Variants in EMC3 observed in about 807,000 individuals in gnomAD.
EMC3 encodes the protein ER membrane protein complex subunit 3.
A neutral mutation model predicts 36.6 loss-of-function variants in EMC3; 13 were observed. The observed-to-expected ratio is 0.35, with a 90% confidence interval of 0.23 to 0.56. EMC3 has a LOEUF of 0.56. Ranked by LOEUF, EMC3 falls within the 20% of genes least tolerant of loss-of-function variation. The pLI is 0.84. For missense variants in EMC3, 220 were observed against 324.5 expected, an observed-to-expected ratio of 0.68 and a Z score of 2.47; for synonymous variants, 120 against 111.9, an observed-to-expected ratio of 1.07 and a Z score of -0.46.
intron 7 of EMC3, among the ~76,000 whole-genome samples, chr3:9,964,863 T>C (rs2085721204): frequency 6.6e-6 from 1 of 152,182 alleles, no homozygotes; most frequent in African/African-American, 2.4e-5. Flanking sequence ...AGAAATAAAT[T>C]TGCAGAATTT....
chr3:9,969,687 T>C (rs774315420), intron 7 of EMC3, 32 bp downstream of exon 7: 93 of 1,614,000 alleles, frequency 5.8e-5, no homozygotes, highest in Non-Finnish European at 7.5e-5. Context: ...TTTCAGAGCA[T>C]TGCTGCAGCT....
chr3:9,966,219 G>A (rs2085734988), intron 7 of EMC3, among the ~76,000 whole-genome samples: 1 of 150,860 alleles, frequency 6.6e-6, no homozygotes, highest in African/African-American at 2.4e-5. Context: ...GCATGAAGTG[G>A]TATCTGTTTT....
At chr3:9,991,067 A>C (rs2086045742), upstream of EMC3, among the ~76,000 whole-genome samples, 1 of 151,850 alleles carries the variant, frequency 6.6e-6, no homozygotes, top group Non-Finnish European at 1.5e-5. Flanking sequence ...TGACCTCGTG[A>C]TCTGCCCGCC....
At chr3:10,000,190 C>G (rs2086180777) in intron 1 of EMC3, among the ~76,000 whole-genome samples, 1 of 152,052 alleles carries the variant, frequency 6.6e-6, no homozygotes, top group African/African-American at 2.4e-5. Context: ...AGGTGCCCAC[C>G]ACCACGCCTG....
intron 1 of EMC3, among the ~76,000 whole-genome samples, chr3:9,998,319 T>C (rs1225633693): frequency 1.3e-5 from 2 of 150,338 alleles, no homozygotes; most frequent in East Asian, 3.9e-4. Flanking sequence ...TGAGCCGAGA[T>C]TGCGCCACTG....
intron 1 of EMC3, chr3:9,994,293 G>GAA: frequency 1.1e-6 from 1 of 947,706 alleles, no homozygotes; most frequent in Non-Finnish European, 1.7e-6. Flanking sequence ...CAAATAATGT[G>GAA]TTTATGTTTT....
chr3:9,972,557 G>C (rs1335028766), intron 5 of EMC3, among the ~76,000 whole-genome samples: 3 of 151,278 alleles, frequency 2.0e-5, no homozygotes, highest in Non-Finnish European at 4.4e-5. Flanking sequence ...GATAACTTGA[G>C]GTCAGTAGTT....
chr3:10,007,550 C>T (rs759585929), intron 1 of EMC3: 36 of 1,367,400 alleles, frequency 2.6e-5, no homozygotes, highest in East Asian at 1.8e-4. Context: ...AGAGGCCTGA[C>T]GTAGGAGTGC....
At chr3:9,990,325 C>CTCTCTTT (rs756491768), upstream of EMC3, among the ~76,000 whole-genome samples, 10 of 88,706 alleles carry the variant, frequency 1.1e-4, no homozygotes, top group African/African-American at 5.8e-4. Context: ...GGGCCTTTCT[C>CTCTCTTT]TTTTTTTTTT....
At chr3:10,000,738 ATTC>A (rs1157569366) in intron 1 of EMC3, 2 of 473,932 alleles carry the variant, frequency 4.2e-6, no homozygotes, top group African/African-American at 4.0e-5. Context: ...TACCCTTGGG[ATTC>A]TCCAAATACT....
Position 9,980,978 on chromosome 3 carries a change from T to TGAGCCCTG in EMC3, c.156-3540_156-3533dup, listed in dbSNP as rs1015681445. Among the ~76,000 whole-genome samples the TGAGCCCTG allele has an allele frequency of 4.6e-5, 7 of 152,136 alleles. No individual in the cohort carries two copies. The South Asian group carries it at 6.2e-4, about 14-fold the overall frequency. On this transcript the variant is annotated intron_variant, in intron 1 of 7. Coordinates refer to ENST00000245046, the MANE Select transcript of EMC3 (RefSeq NM_001394674.1). Reference sequence around the variant, plus strand: ...GGGAGGCTGAGGTGGGAGGATTGCTTGAGCCCTGGAGCCCTGGAGTTCAAG... The same window carrying TGAGCCCTG: ...GGGAGGCTGAGGTGGGAGGATTGCTTGAGCCCTGGAGCCCTGGAGCCCTGGAGTTCAAG...
chr3:9,989,524 T>G (rs573037964), upstream of EMC3, among the ~76,000 whole-genome samples: 2 of 152,276 alleles, frequency 1.3e-5, no homozygotes, highest in Non-Finnish European at 2.9e-5. Context: ...TGGTTGCCTT[T>G]AAAGATTTTT....
At chr3:9,970,927 CTT>C (rs35290702) in intron 5 of EMC3, among the ~76,000 whole-genome samples, 1 of 146,904 alleles carries the variant, frequency 6.8e-6, no homozygotes. Context: ...GTGTTCCATA[CTT>C]TTTTTTTTTT....
chr3:9,992,338 C>G (rs1172707967), intron 1 of EMC3, among the ~76,000 whole-genome samples: 3 of 152,042 alleles, frequency 2.0e-5, no homozygotes, highest in Non-Finnish European at 2.9e-5. Flanking sequence ...GTTGGCCAGG[C>G]TGGTCTCGAA....
chr3:10,005,259 A>AC (rs2086251180), intron 1 of EMC3: 1 of 151,802 alleles, frequency 6.6e-6, no homozygotes, highest in Admixed American at 6.6e-5. Context: ...AAAAAAAAAA[A>AC]ATCACACATC....
At chr3:9,992,955 C>T (rs1258669647) in intron 1 of EMC3, 65 of 1,610,042 alleles carry the variant, frequency 4.0e-5, no homozygotes, top group South Asian at 2.5e-4. Context: ...AAATAAGATT[C>T]GATCAGGCTG....
chr3:10,001,894 G>A (rs2086205359), intron 1 of EMC3, among the ~76,000 whole-genome samples: 2 of 152,090 alleles, frequency 1.3e-5, no homozygotes, highest in South Asian at 2.1e-4. Context: ...GGCTACTCAG[G>A]AGGCTGAGGC....
At position 9,977,069 on chromosome 3, in the gene EMC3, AGTGTTTTAAGTCT is replaced by A; in HGVS notation, c.214-32_214-20del. On this transcript the variant is annotated intron_variant, in intron 2 of 7. Coordinates refer to ENST00000245046, the MANE Select transcript of EMC3 (RefSeq NM_001394674.1). ...AGAAAGACTAGTAAAAAAAAAAAAA[AGTGTTTTAAGTCT>A]AAGAACTATGACACAGCAAACTGTT... 2 of 1,456,036 alleles carry A rather than the reference AGTGTTTTAAGTCT, an allele frequency of 1.4e-6. No individual in the cohort carries two copies. The highest frequency in any genetic ancestry group is 1.9e-6 in the Non-Finnish European group (2 of 1,053,422). 90.2% of individuals were successfully genotyped at this position (1,456,036 alleles called of 1,614,324 possible).
At chr3:9,979,217 C>A (rs1251906907) in intron 1 of EMC3, among the ~76,000 whole-genome samples, 2 of 152,186 alleles carry the variant, frequency 1.3e-5, no homozygotes, top group Non-Finnish European at 2.9e-5. Flanking sequence ...GAATGCTAGT[C>A]TGTGATAAGC....
Sources: allele counts gnomAD v4.1 joint callset (sites outside exome capture counted in the v4.1 genomes callset), GRCh38; gene constraint gnomAD v4.1.1; transcripts MANE v1.5; gene names NCBI Gene and HGNC (gene_info 2026-07-23, HGNC 2026-07-21).